Variants in CPD observed in about 807,000 individuals in gnomAD.
CPD encodes the protein carboxypeptidase D.
CPD carries 69 observed loss-of-function variants against 138.3 expected under a neutral mutation model. That is an observed-to-expected ratio of 0.50 (90% CI 0.41 to 0.61). The LOEUF is 0.61. Ranked by LOEUF, CPD falls within the 20% of genes least tolerant of loss-of-function variation. CPD has a pLI of 0.00. For synonymous variants in CPD, 651 were observed against 642.1 expected, an observed-to-expected ratio of 1.01 and a Z score of -0.21; for missense variants, 1,432 against 1,733.3, an observed-to-expected ratio of 0.83 and a Z score of 3.09.
intron 8 of CPD, among the ~76,000 whole-genome samples, chr17:30,432,776 G>A (rs372412348): frequency 1.3e-5 from 2 of 151,878 alleles, no homozygotes; most frequent in Admixed American, 6.6e-5. Flanking sequence ...AAAATTAGCC[G>A]GTTGTGGTGA....
Position 30,431,749 on chromosome 17 carries a change from C to A in CPD, c.2018-23C>A, listed in dbSNP as rs756461541. The A allele has an allele frequency of 9.7e-6, 14 of 1,441,820 alleles. No homozygotes were observed. The South Asian group carries it at 1.6e-4, about 17-fold the overall frequency. The allele number at this position is 1,441,820 out of a possible 1,614,324, so 89.3% of individuals were successfully genotyped here. A position where few individuals can be genotyped will look rare whatever the true frequency, so the allele number is the denominator to read the frequency against. On this transcript the variant is annotated intron_variant, in intron 7 of 20. Coordinates refer to ENST00000225719, the MANE Select transcript of CPD (RefSeq NM_001304.5). ...CCATCTTGAAACAGACAACATGATA[C>A]ATTTTCCTCTTTTCCCTTATAGGTT...
At chr17:30,431,965 C>T in intron 8 of CPD, 84 bp downstream of exon 8, 1 of 877,772 alleles carries the variant, frequency 1.1e-6, no homozygotes, top group Non-Finnish European at 1.7e-6. Context: ...AGACTCAGGT[C>T]AAGTGCTTCC....
At chr17:30,412,163 G>A (rs935792621) in intron 2 of CPD, among the ~76,000 whole-genome samples, 12 of 152,198 alleles carry the variant, frequency 7.9e-5, no homozygotes, top group Admixed American at 2.0e-4. Context: ...TCCGGACCCT[G>A]TTTGCCTAGG....
intron 10 of CPD, 82 bp from the exon 11 acceptor site, chr17:30,443,720 C>T: frequency 7.7e-7 from 1 of 1,302,354 alleles, no homozygotes; most frequent in Non-Finnish European, 1.0e-6. Context: ...TGTTGACAAT[C>T]TGTTATTTTG....
intron 13 of CPD, among the ~76,000 whole-genome samples, chr17:30,450,629 A>T (rs1451817735): frequency 6.6e-6 from 1 of 152,174 alleles, no homozygotes; most frequent in African/African-American, 2.4e-5. Flanking sequence ...GGGGCTGAAG[A>T]GAGAGGACCA....
At chr17:30,434,318 G>C in intron 8 of CPD, among the ~76,000 whole-genome samples, 1 of 152,116 alleles carries the variant, frequency 6.6e-6, no homozygotes, top group Non-Finnish European at 1.5e-5. Context: ...GTCTCAGCAT[G>C]ATCTATCATG....
intron 2 of CPD, among the ~76,000 whole-genome samples, chr17:30,385,651 T>C (rs906490825): frequency 6.6e-6 from 1 of 152,022 alleles, no homozygotes; most frequent in African/African-American, 2.4e-5. Context: ...TTTAACTATA[T>C]ACTATTACCA....
At position 30,461,215 on chromosome 17, in the gene CPD, C is replaced by T. The variant is rs780725012; in HGVS notation, c.3534C>T (p.Ile1178=). Residue 1178 remains isoleucine, a synonymous_variant, in exon 18 of 21, where the codon ATC becomes ATT. Transcript: ENST00000225719. The part of the protein sequence containing the change: ...YSVTYGHCPE[I]TVYTSCCYFP... ...TCACCTATGGCCATTGTCCGGAAATCACAGTATACACAAGCTGCTGTTACT... is the reference window on the plus strand; with the variant it reads ...TCACCTATGGCCATTGTCCGGAAATTACAGTATACACAAGCTGCTGTTACT... 1 of 1,609,166 alleles carries T rather than the reference C, an allele frequency of 6.2e-7. No individual in the cohort carries two copies. Among genetic ancestry groups the T allele is most frequent in the Non-Finnish European group, 8.5e-7 (1 of 1,177,904 alleles).
intron 2 of CPD, among the ~76,000 whole-genome samples, chr17:30,401,597 C>T (rs1327328328): frequency 6.6e-6 from 1 of 152,060 alleles, no homozygotes; most frequent in African/African-American, 2.4e-5. Context: ...TATTTTCTTG[C>T]CTCAGCCTCC....
rs57323104 is a variant in CPD, at chr17:30,387,407, G to A, written c.994+2171G>A. 6.3e-3 allele frequency among the ~76,000 whole-genome samples: 964 copies of A among 152,274 alleles called. 10 individuals carry two copies. The highest frequency in any genetic ancestry group is 0.021 in the African/African-American group (882 of 41,552). On this transcript the variant is annotated intron_variant, in intron 2 of 20. Coordinates refer to ENST00000225719, the MANE Select transcript of CPD (RefSeq NM_001304.5). ...GTGCTGGAATTATGTATGAGCCACC[G>A]TGCCTGGCAAGAATTGTTAATACAA...
intron 8 of CPD, among the ~76,000 whole-genome samples, chr17:30,434,366 G>A (rs1453675756): frequency 6.6e-6 from 1 of 152,106 alleles, no homozygotes; most frequent in South Asian, 2.1e-4. Context: ...AGGCTTTGTG[G>A]TGAGGTAAAA....
intron 2 of CPD, among the ~76,000 whole-genome samples, chr17:30,401,444 A>ATCT (rs752342735): frequency 1.3e-4 from 12 of 94,428 alleles, no homozygotes; most frequent in Non-Finnish European, 2.4e-4. Context: ...CTTCTTCCTC[A>ATCT]TCTTCTTCTT....
chr17:30,428,440 A>C (rs905527247), intron 7 of CPD, among the ~76,000 whole-genome samples: 3 of 152,206 alleles, frequency 2.0e-5, no homozygotes, highest in Admixed American at 2.0e-4. Context: ...AACAACCCAA[A>C]CAACCATCAT....
At chr17:30,464,123 G>T (rs1005423459) in intron 20 of CPD, among the ~76,000 whole-genome samples, 2 of 152,146 alleles carry the variant, frequency 1.3e-5, no homozygotes, top group Non-Finnish European at 2.9e-5. Flanking sequence ...AGGCATGGTG[G>T]CTCACGCCTG....
At chr17:30,423,868 C>T (rs1912333514) in intron 6 of CPD, among the ~76,000 whole-genome samples, 171 bp downstream of exon 6, 2 of 152,078 alleles carry the variant, frequency 1.3e-5, no homozygotes, top group Admixed American at 6.6e-5. Flanking sequence ...GTCTGTTCAA[C>T]AATTAGGTGA....
chr17:30,444,118 C>A, intron 11 of CPD, 147 bp downstream of exon 11: 1 of 628,458 alleles, frequency 1.6e-6, no homozygotes, highest in African/African-American at 1.8e-5. Flanking sequence ...ACCTTTGACT[C>A]TCCTTTAGTG....
At position 30,415,151 on chromosome 17, in the gene CPD, G is replaced by T. The variant is rs191462459; in HGVS notation, c.995-5690G>T. ...CCTGATTTCTCAAGCCTAAAATCTA[G>T]AAGTCGTCCTTGATTTCTTCCTTCT... On this transcript the variant is annotated intron_variant, in intron 2 of 20. Coordinates refer to ENST00000225719, the MANE Select transcript of CPD (RefSeq NM_001304.5). Among the ~76,000 whole-genome samples, 241 of 152,270 alleles carry T rather than the reference G, an allele frequency of 1.6e-3. 1 individual carries two copies. The highest frequency in any genetic ancestry group is 5.7e-3 in the African/African-American group (235 of 41,552).
At position 30,439,394 on chromosome 17, in the gene CPD, C is replaced by CTT. The variant is rs71138889; in HGVS notation, c.2230+329_2230+330dup. Among the ~76,000 whole-genome samples the CTT allele has an allele frequency of 2.0e-3, 254 of 124,654 alleles. 2 individuals are homozygous for CTT. The highest frequency in any genetic ancestry group is 8.1e-3 in the East Asian group (34 of 4,188). 81.8% of individuals were successfully genotyped at this position (124,654 alleles called of 152,430 possible). A position where few individuals can be genotyped will look rare whatever the true frequency, so the allele number is the denominator to read the frequency against. Reference sequence around the variant, plus strand: ...TTTTTTTTCTTTACAACGTTACTTTCTTTTTTTTTTTTTCTTTTCTTTTTT... The same window carrying CTT: ...TTTTTTTTCTTTACAACGTTACTTTCTTTTTTTTTTTTTTTCTTTTCTTTTTT... On this transcript the variant is annotated intron_variant, in intron 9 of 20. Transcript: ENST00000225719.
chr17:30,448,960 T>G (rs1913097589), intron 12 of CPD, among the ~76,000 whole-genome samples: 1 of 151,868 alleles, frequency 6.6e-6, no homozygotes, highest in East Asian at 1.9e-4. Flanking sequence ...TTTAAAAAAT[T>G]AGCTAGGCAT....
Sources: allele counts gnomAD v4.1 joint callset (sites outside exome capture counted in the v4.1 genomes callset), GRCh38; gene constraint gnomAD v4.1.1; transcripts MANE v1.5; gene names NCBI Gene and HGNC (gene_info 2026-07-23, HGNC 2026-07-21).